The following CDKN3 variants were observed in gnomAD, a reference collection of about 807,000 sequenced individuals.
CDKN3 encodes cyclin-dependent kinase inhibitor 3.
CDKN3 carries 19 observed loss-of-function variants against 36.1 expected under a neutral mutation model. That is an observed-to-expected ratio of 0.53 (90% CI 0.37 to 0.77). CDKN3 has a LOEUF of 0.77. Among genes scored for constraint, CDKN3 ranks in the 30% least tolerant of loss-of-function variants. CDKN3 has a pLI of 0.00. For missense variants in CDKN3, 188 were observed against 248.6 expected, an observed-to-expected ratio of 0.76 and a Z score of 1.64; for synonymous variants, 71 against 85.3, an observed-to-expected ratio of 0.83 and a Z score of 0.92.
At chr14:54,399,143 G>A (rs951562520) in intron 1 of CDKN3, among the ~76,000 whole-genome samples, 1 of 151,826 alleles carries the variant, frequency 6.6e-6, no homozygotes, top group Non-Finnish European at 1.5e-5. Context: ...GTGCCACCAT[G>A]CCTGGTTAAT....
intron 3 of CDKN3, among the ~76,000 whole-genome samples, chr14:54,406,021 A>C (rs138942696): frequency 0.024 from 3,662 of 152,278 alleles, 163 homozygotes; most frequent in African/African-American, 0.084. Context: ...GAGCTCTTGT[A>C]AGGCAGGCCT....
At chr14:54,412,749 CAG>C (rs1443429919) in intron 5 of CDKN3, 2 of 394,858 alleles carry the variant, frequency 5.1e-6, no homozygotes, top group Non-Finnish European at 5.2e-6. Context: ...CACAAAGCAA[CAG>C]AGAGCCAGCC....
At chr14:54,408,384 T>G (rs1371351803) in intron 3 of CDKN3, among the ~76,000 whole-genome samples, 2 of 152,250 alleles carry the variant, frequency 1.3e-5, no homozygotes, top group Non-Finnish European at 2.9e-5. Context: ...GCCCTCATGG[T>G]GGACTATAGT....
chr14:54,406,944 CT>C (rs1283847934), intron 3 of CDKN3, among the ~76,000 whole-genome samples: 4 of 152,096 alleles, frequency 2.6e-5, no homozygotes, highest in Non-Finnish European at 5.9e-5. Flanking sequence ...AATTTTCAGC[CT>C]TTTTGCTCTG....
chr14:54,411,702 A>G lies in CDKN3; in HGVS notation c.412A>G (p.Ile138Val), dbSNP rs1221406910. The G allele has an allele frequency of 6.3e-7, 1 of 1,582,858 alleles. No individual in the cohort carries two copies. The highest frequency in any genetic ancestry group is 2.2e-5 in the East Asian group (1 of 44,718). Residue 138 changes from isoleucine (I) to valine (V), a missense_variant, in exon 5 of 8, where the codon ATA becomes GTA. Physicochemically the swap from Ile to Val is conservative, Grantham distance 29 (BLOSUM62 3). Transcript: ENST00000335183. ...TCLKNYRKTLIHCYGGLGRSC... is the reference protein window; with the variant it reads ...TCLKNYRKTLVHCYGGLGRSC... ...CCTTAAAAATTACCGAAAAACCTTA[A>G]TACAGTACGTTCTTTTCTCCATACA...
intron 3 of CDKN3, among the ~76,000 whole-genome samples, chr14:54,408,398 A>C (rs1185252986): frequency 1.3e-5 from 2 of 152,262 alleles, no homozygotes; most frequent in Non-Finnish European, 2.9e-5. Context: ...CTATAGTTAA[A>C]GGAACATAGA....
chr14:54,409,119 C>T (rs2030265427), intron 4 of CDKN3, among the ~76,000 whole-genome samples: 1 of 152,010 alleles, frequency 6.6e-6, no homozygotes. Context: ...TTTACTGTTC[C>T]TTGCAGACTT....
chr14:54,415,166 C>T (rs1482101251), intron 5 of CDKN3, among the ~76,000 whole-genome samples: 2 of 152,162 alleles, frequency 1.3e-5, no homozygotes, highest in South Asian at 2.1e-4. Flanking sequence ...GGATTAATCT[C>T]CATTTTTCTG....
chr14:54,415,856 T>C (rs1459382161), intron 5 of CDKN3, 43 bp from the exon 6 acceptor site: 2 of 1,471,858 alleles, frequency 1.4e-6, no homozygotes, highest in Admixed American at 3.3e-5. Flanking sequence ...TAACTAGGGA[T>C]GGAATGAAAT....
intron 6 of CDKN3, among the ~76,000 whole-genome samples, chr14:54,417,305 A>G (rs1482502728): frequency 6.6e-6 from 1 of 152,264 alleles, no homozygotes; most frequent in African/African-American, 2.4e-5. Context: ...ATACAATGGA[A>G]TATTATTTGA....
intron 6 of CDKN3, among the ~76,000 whole-genome samples, chr14:54,417,526 A>G (rs1309236027): frequency 2.0e-5 from 3 of 152,202 alleles, no homozygotes; most frequent in Admixed American, 2.0e-4. Flanking sequence ...AAAAGGGTAC[A>G]CTTCTTTCTG....
intron 3 of CDKN3, among the ~76,000 whole-genome samples, chr14:54,405,946 A>T (rs1292404782): frequency 6.6e-6 from 1 of 152,146 alleles, no homozygotes; most frequent in Non-Finnish European, 1.5e-5. Flanking sequence ...TGGTCTTTGC[A>T]TTTTTGTATG....
intron 1 of CDKN3, 129 bp from the exon 2 acceptor site, chr14:54,399,765 G>A (rs567639025): frequency 6.2e-5 from 41 of 666,266 alleles, no homozygotes; most frequent in East Asian, 4.4e-4. Context: ...TGCTGATCTC[G>A]TTAATATTCT....
At chr14:54,399,830 A>G (rs558012335) in intron 1 of CDKN3, 64 bp from the exon 2 acceptor site, 2 of 806,248 alleles carry the variant, frequency 2.5e-6, no homozygotes, top group African/African-American at 1.7e-5. Context: ...TTAGACAAGG[A>G]TTAGCTATCC....
chr14:54,398,987 C>CTTTTT (rs113342693), intron 1 of CDKN3, among the ~76,000 whole-genome samples: 4,403 of 109,168 alleles, frequency 0.04, 430 homozygotes, highest in African/African-American at 0.12. Context: ...TTTCTTCTTC[C>CTTTTT]TTTTTTTTTT....
At chr14:54,404,114 C>A (rs974863582) in intron 3 of CDKN3, among the ~76,000 whole-genome samples, 2 of 152,166 alleles carry the variant, frequency 1.3e-5, no homozygotes, top group African/African-American at 4.8e-5. Flanking sequence ...AGGAATGGTA[C>A]CAGCTCCTCT....
chr14:54,411,042 G>A (rs1594605714), intron 4 of CDKN3: 1 of 158,866 alleles, frequency 6.3e-6, no homozygotes, highest in Admixed American at 6.3e-5. Flanking sequence ...GCTGGGCGTG[G>A]TGACACATGC....
At chr14:54,400,125 T>C (rs1216074609) in intron 2 of CDKN3, 149 bp downstream of exon 2, 2 of 605,406 alleles carry the variant, frequency 3.3e-6, no homozygotes, top group African/African-American at 3.7e-5. Flanking sequence ...ATTCTAATCA[T>C]TAAAGGATCT....
In CDKN3 at chr14:54,415,841, A is replaced by T; in HGVS notation, c.417-58A>T. The T allele has an allele frequency of 2.4e-6, 3 of 1,240,976 alleles. No individual in the cohort carries two copies. In the South Asian group the frequency reaches 3.6e-5, roughly 15 times the overall value. 76.9% of individuals were successfully genotyped at this position (1,240,976 alleles called of 1,614,324 possible). A position where few individuals can be genotyped will look rare whatever the true frequency, so the allele number is the denominator to read the frequency against. On this transcript the variant is annotated intron_variant, in intron 5 of 7. Transcript: ENST00000335183. ...TAGAAGGCAGAAAGAGCAAGTCTTT[A>T]GTTGTAACTAGGGATGGAATGAAAT... is the stretch of plus-strand genomic sequence containing the variant.
Sources: gnomAD v4.1 joint callset for allele counts (sites outside exome capture counted in the v4.1 genomes callset) on GRCh38, gnomAD v4.1.1 for gene constraint, MANE v1.5 for transcripts, NCBI Gene and HGNC (gene_info 2026-07-23, HGNC 2026-07-21) for gene names.